SH3RF1: variants seen among roughly 807,000 people sequenced by gnomAD.
SH3RF1 encodes the protein SH3 domain containing ring finger 1, also known as E3 ubiquitin-protein ligase SH3RF1.
A neutral mutation model predicts 74.0 loss-of-function variants in SH3RF1; 32 were observed. That is an observed-to-expected ratio of 0.43 (90% CI 0.33 to 0.58). The LOEUF (loss-of-function observed/expected upper bound fraction) is 0.58. Among genes scored for constraint, SH3RF1 ranks in the 20% least tolerant of loss-of-function variants. SH3RF1 has a pLI of 0.05. For missense variants in SH3RF1, 954 were observed against 1,130.9 expected (o/e 0.84, Z 2.24); for synonymous variants, 396 against 439.6 (o/e 0.90, Z 1.24).
chr4:169,131,205 T>C (rs765629087), intron 5 of SH3RF1, among the ~76,000 whole-genome samples: 6 of 152,238 alleles, frequency 3.9e-5, no homozygotes, highest in Non-Finnish European at 7.3e-5. Flanking sequence ...TCATGGCATG[T>C]AATTTATTTT....
At chr4:169,181,113 A>G (rs765072566) in intron 2 of SH3RF1, among the ~76,000 whole-genome samples, 25 of 152,170 alleles carry the variant, frequency 1.6e-4, no homozygotes, top group Non-Finnish European at 2.9e-4. Context: ...CATACTATAC[A>G]GTGAGCCGTG....
intron 10 of SH3RF1, among the ~76,000 whole-genome samples, chr4:169,109,953 A>C (rs557590166): frequency 6.7e-4 from 101 of 150,144 alleles, no homozygotes; most frequent in African/African-American, 2.3e-3. Flanking sequence ...TTGAAGTTGC[A>C]GTGAGCTATG....
chr4:169,268,786 T>C, intron 2 of SH3RF1, 34 bp downstream of exon 2: 1 of 1,525,314 alleles, frequency 6.6e-7, no homozygotes, highest in East Asian at 2.3e-5. Context: ...CATTACCACC[T>C]TTATTCACCA....
At chr4:169,193,079 A>G (rs1032347189) in intron 2 of SH3RF1, among the ~76,000 whole-genome samples, 5 of 152,104 alleles carry the variant, frequency 3.3e-5, no homozygotes, top group Admixed American at 2.0e-4. Flanking sequence ...GTGGGAGCTA[A>G]GCTATGAGGA....
chr4:169,122,341 G>C, intron 6 of SH3RF1, 75 bp from the exon 7 acceptor site: 2 of 1,454,248 alleles, frequency 1.4e-6, no homozygotes, highest in Non-Finnish European at 1.9e-6. Context: ...TATGGAAGGT[G>C]GGAGAGAAAA....
At position 169,156,515 on chromosome 4, in the gene SH3RF1, G is replaced by A; in HGVS notation, c.558C>T (p.Asn186=). 1 of 1,614,078 alleles carries A rather than the reference G, an allele frequency of 6.2e-7. No homozygotes were observed. The highest frequency in any genetic ancestry group is 1.7e-5 in the Admixed American group (1 of 60,016). Residue 186 remains asparagine (N), a synonymous_variant, in exon 3 of 12, where the codon AAC becomes AAT. Transcript: ENST00000284637. ...VNGIHGFFPT[N]FVQIIKPLPQ... is the part of the protein sequence containing the mutation. ...GTAACGGTTTAATAATCTGCACAAA[G>A]TTGGTGGGGAAAAAGCCATGGATTC...
In SH3RF1 at chr4:169,188,398, C is replaced by A. The variant is rs532623067; in HGVS notation, c.394-31719G>T. Among the ~76,000 whole-genome samples, 7 of 152,280 alleles carry A rather than the reference C, an allele frequency of 4.6e-5. No individual in the cohort carries two copies. The South Asian group carries it at 1.5e-3, about 32-fold the overall frequency. Reference sequence around the variant, plus strand: ...TTTCCTTCATCACTCTCACTGTAAACAATAGTGTCCACAAATCCAGGCAGC... The same window carrying A: ...TTTCCTTCATCACTCTCACTGTAAAAAATAGTGTCCACAAATCCAGGCAGC... On this transcript the variant is annotated intron_variant, in intron 2 of 11. Coordinates refer to ENST00000284637, the MANE Select transcript of SH3RF1 (RefSeq NM_020870.4).
At chr4:169,127,292 A>G (rs1733543759) in intron 6 of SH3RF1, among the ~76,000 whole-genome samples, 1 of 152,218 alleles carries the variant, frequency 6.6e-6, no homozygotes, top group African/African-American at 2.4e-5. Flanking sequence ...CATTGGAAAT[A>G]ATTTTCATTT....
chr4:169,230,067 G>C (rs538633936), intron 2 of SH3RF1, among the ~76,000 whole-genome samples: 1 of 151,904 alleles, frequency 6.6e-6, no homozygotes, highest in African/African-American at 2.4e-5. Flanking sequence ...TTAGCCAGGC[G>C]TGGTGGTGCA....
At chr4:169,232,926 T>C (rs1264736666) in intron 2 of SH3RF1, among the ~76,000 whole-genome samples, 3 of 152,142 alleles carry the variant, frequency 2.0e-5, no homozygotes, top group South Asian at 4.1e-4. Flanking sequence ...GTTGTAAATA[T>C]CAAGCCTTCG....
chr4:169,139,221 C>T (rs374286270), intron 4 of SH3RF1, among the ~76,000 whole-genome samples: 10 of 152,188 alleles, frequency 6.6e-5, no homozygotes, highest in African/African-American at 2.2e-4. Context: ...GGATTACAGG[C>T]GTGAGCCACT....
chr4:169,125,703 T>G (rs1193828068), intron 6 of SH3RF1, among the ~76,000 whole-genome samples: 1 of 152,194 alleles, frequency 6.6e-6, no homozygotes, highest in African/African-American at 2.4e-5. Flanking sequence ...ATTATTAATA[T>G]TCTCTAATCT....
At chr4:169,174,212 C>G (rs1035433925) in intron 2 of SH3RF1, among the ~76,000 whole-genome samples, 1 of 152,098 alleles carries the variant, frequency 6.6e-6, no homozygotes, top group Non-Finnish European at 1.5e-5. Flanking sequence ...CAGGCACGTA[C>G]CAGCATACCT....
chr4:169,160,262 G>T (rs1734130027), intron 2 of SH3RF1, among the ~76,000 whole-genome samples: 1 of 152,100 alleles, frequency 6.6e-6, no homozygotes, highest in South Asian at 2.1e-4. Context: ...CCACAATATG[G>T]TTTTTTGTGA....
At chr4:169,269,837 G>A (rs1187812711) in intron 1 of SH3RF1, 1 of 152,120 alleles carries the variant, frequency 6.6e-6, no homozygotes, top group African/African-American at 2.4e-5. Flanking sequence ...ATTAAAAATA[G>A]AACTGTTTAA....
chr4:169,144,550 T>C (rs1462796878), intron 4 of SH3RF1, among the ~76,000 whole-genome samples: 27 of 152,062 alleles, frequency 1.8e-4, no homozygotes, highest in Non-Finnish European at 1.5e-5. Flanking sequence ...CTTTTCTGAC[T>C]CATGATAAAA....
chr4:169,115,760 G>A (rs1247713528), intron 10 of SH3RF1, among the ~76,000 whole-genome samples: 2 of 152,196 alleles, frequency 1.3e-5, no homozygotes, highest in Non-Finnish European at 2.9e-5. Flanking sequence ...GTGCCCAGGT[G>A]CCCAGAAGGT....
chr4:169,198,233 T>C (rs1217113156), intron 2 of SH3RF1, among the ~76,000 whole-genome samples: 1 of 152,208 alleles, frequency 6.6e-6, no homozygotes, highest in Non-Finnish European at 1.5e-5. Flanking sequence ...ACTGTGGCTT[T>C]CAACACTTTA....
chr4:169,166,181 T>TATAA (rs1685278501), intron 2 of SH3RF1: 1 of 151,832 alleles, frequency 6.6e-6, no homozygotes, highest in East Asian at 1.9e-4. Context: ...TATATATATA[T>TATAA]AATAAAGGAC....
Sources: allele counts gnomAD v4.1 joint callset (sites outside exome capture counted in the v4.1 genomes callset), GRCh38; gene constraint gnomAD v4.1.1; transcripts MANE v1.5; gene names NCBI Gene and HGNC (gene_info 2026-07-23, HGNC 2026-07-21).